Variants in GBE1 observed in about 807,000 individuals in gnomAD.
The protein encoded by GBE1 is 1,4-alpha-glucan-branching enzyme.
In GBE1, 70 loss-of-function variants were observed where a neutral mutation model predicts 88.8. The ratio of observed to expected loss-of-function variants is 0.79; its 90% CI spans 0.65 to 0.96. The LOEUF is 0.96. GBE1 is among the 40% of genes least tolerant of loss of function. GBE1 has a pLI of 0.00. For missense variants in GBE1, 872 were observed against 871.0 expected (o/e 1.00, Z -0.01); for synonymous variants, 284 against 300.1 (o/e 0.95, Z 0.56).
At chr3:81,639,119 A>T (rs1157651380) in intron 7 of GBE1, among the ~76,000 whole-genome samples, 1 of 152,130 alleles carries the variant, frequency 6.6e-6, no homozygotes, top group Non-Finnish European at 1.5e-5. Context: ...TAAGGAACAA[A>T]CTCAAAATTA....
intron 1 of GBE1, among the ~76,000 whole-genome samples, chr3:81,714,366 A>T (rs148566769): frequency 1.3e-5 from 2 of 152,320 alleles, no homozygotes; most frequent in African/African-American, 4.8e-5. Flanking sequence ...ATCTGAAATA[A>T]GAATAATAAT....
intron 1 of GBE1, among the ~76,000 whole-genome samples, chr3:81,723,261 GTT>G (rs1189151311): frequency 2.7e-5 from 2 of 73,562 alleles, no homozygotes; most frequent in Non-Finnish European, 6.5e-5. Flanking sequence ...AAGTTGTTTT[GTT>G]TTTTTTTTTT....
At chr3:81,594,677 G>A (rs1228463447) in intron 7 of GBE1, among the ~76,000 whole-genome samples, 2 of 151,966 alleles carry the variant, frequency 1.3e-5, no homozygotes, top group African/African-American at 2.4e-5. Flanking sequence ...AAAACCACAT[G>A]TGTAATAAAG....
intron 12 of GBE1, among the ~76,000 whole-genome samples, chr3:81,552,694 T>A (rs1703288547): frequency 1.3e-5 from 2 of 152,148 alleles, no homozygotes. Flanking sequence ...TAAAGACTTA[T>A]TAGCATTACT....
At chr3:81,641,282 T>C (rs368567918) in intron 7 of GBE1, among the ~76,000 whole-genome samples, 108 of 152,258 alleles carry the variant, frequency 7.1e-4, no homozygotes, top group Middle Eastern at 3.4e-3. Context: ...GTTCAATTAA[T>C]TGAATTTCTT....
chr3:81,601,743 T>C (rs1276302614), intron 7 of GBE1, among the ~76,000 whole-genome samples: 1 of 152,234 alleles, frequency 6.6e-6, no homozygotes, highest in Non-Finnish European at 1.5e-5. Flanking sequence ...TTTCTCATAC[T>C]GAAATAAATC....
At chr3:81,500,541 A>G (rs947033444) in intron 14 of GBE1, among the ~76,000 whole-genome samples, 3 of 152,242 alleles carry the variant, frequency 2.0e-5, no homozygotes, top group African/African-American at 7.2e-5. Flanking sequence ...TTAAAAAACA[A>G]CTGAATTAAA....
intron 3 of GBE1, among the ~76,000 whole-genome samples, chr3:81,665,401 T>A (rs1341404484): frequency 6.6e-6 from 1 of 151,948 alleles, no homozygotes; most frequent in Non-Finnish European, 1.5e-5. Flanking sequence ...CCGGGCGTGG[T>A]GGCGGGCGCC....
intron 14 of GBE1, 61 bp from the exon 15 acceptor site, chr3:81,499,288 G>T: frequency 1.1e-6 from 1 of 934,530 alleles, no homozygotes; most frequent in Non-Finnish European, 1.7e-6. Flanking sequence ...TAAAATACGT[G>T]CTGAGAGAGC....
intron 2 of GBE1, among the ~76,000 whole-genome samples, chr3:81,674,348 G>A (rs987975856): frequency 2.0e-5 from 3 of 151,776 alleles, no homozygotes; most frequent in African/African-American, 7.3e-5. Context: ...TTAATATCCA[G>A]AAACAGAATA....
In GBE1 at chr3:81,596,101, A is replaced by C. The variant is rs142052856; in HGVS notation, c.993-2078T>G. The stretch of plus-strand genomic sequence containing the variant: ...TTTTATGAATCATTAATGAAACACA[A>C]TAGACAAAATTTTATGAGAGTAAAC... On this transcript the variant is annotated intron_variant, in intron 7 of 15. Coordinates refer to ENST00000429644, the MANE Select transcript of GBE1 (RefSeq NM_000158.4). Among the ~76,000 whole-genome samples the C allele has an allele frequency of 9.3e-4, 142 of 152,082 alleles. 2 individuals are homozygous for C. Among genetic ancestry groups the C allele is most frequent in the African/African-American group, 3.3e-3 (139 of 41,552 alleles).
chr3:81,592,386 G>A (rs1703891115), intron 8 of GBE1, among the ~76,000 whole-genome samples: 1 of 150,726 alleles, frequency 6.6e-6, no homozygotes, highest in African/African-American at 2.5e-5. Flanking sequence ...TCTGTAAATA[G>A]AATACTATGA....
At chr3:81,573,734 T>C (rs1221123191) in intron 12 of GBE1, among the ~76,000 whole-genome samples, 1 of 150,764 alleles carries the variant, frequency 6.6e-6, no homozygotes, top group Non-Finnish European at 1.5e-5. Flanking sequence ...AGACTGAATT[T>C]GCTCTAAGTC....
intron 9 of GBE1, among the ~76,000 whole-genome samples, chr3:81,587,940 T>C (rs1278046981): frequency 1.3e-5 from 2 of 152,188 alleles, no homozygotes; most frequent in Non-Finnish European, 2.9e-5. Flanking sequence ...TTCATTTTAA[T>C]TACTAAGTAC....
chr3:81,716,595 T>C (rs1705940575), intron 1 of GBE1, among the ~76,000 whole-genome samples: 1 of 152,162 alleles, frequency 6.6e-6, no homozygotes, highest in Non-Finnish European at 1.5e-5. Flanking sequence ...ACTCCATTTC[T>C]TTTAACAATA....
At position 81,497,900 on chromosome 3, in the gene GBE1, G is replaced by T. The variant is rs570532132; in HGVS notation, c.2052+1210C>A. Among the ~76,000 whole-genome samples the T allele has an allele frequency of 3.2e-4, 48 of 152,168 alleles. 1 individual carries two copies. In the South Asian group the frequency reaches 8.9e-3, roughly 28 times the overall value. On this transcript the variant is annotated intron_variant, in intron 15 of 15. Transcript: ENST00000429644. ...TATTTTTATCAAACTTATTTTACGT[G>T]TCAAAATTGAATGTTCTCACAGACT...
At chr3:81,533,598 A>G (rs559706727) in intron 14 of GBE1, among the ~76,000 whole-genome samples, 7 of 152,190 alleles carry the variant, frequency 4.6e-5, no homozygotes, top group African/African-American at 1.4e-4. Flanking sequence ...TCTTACTGTC[A>G]GAGTAAAATT....
intron 3 of GBE1, among the ~76,000 whole-genome samples, chr3:81,656,735 A>G (rs2107088139): frequency 6.6e-6 from 1 of 152,342 alleles, no homozygotes; most frequent in African/African-American, 2.4e-5. Context: ...AAAGTAGACA[A>G]ATATGTACTA....
At chr3:81,585,048 A>G (rs1488702489) in intron 10 of GBE1, among the ~76,000 whole-genome samples, 1 of 152,162 alleles carries the variant, frequency 6.6e-6, no homozygotes, top group African/African-American at 2.4e-5. Context: ...AACAAATACA[A>G]GGCTACGTTC....
Sources: gnomAD v4.1 joint callset for allele counts (sites outside exome capture counted in the v4.1 genomes callset) on GRCh38, gnomAD v4.1.1 for gene constraint, MANE v1.5 for transcripts, NCBI Gene and HGNC (gene_info 2026-07-23, HGNC 2026-07-21) for gene names.